Variants in RNF103 observed in about 807,000 individuals in gnomAD.
The protein encoded by RNF103 is ring finger protein 103.
Under a neutral mutation model 66.2 loss-of-function variants are expected in RNF103, and 23 were observed. That is an observed-to-expected ratio of 0.35 (90% CI 0.25 to 0.49). The LOEUF is 0.49. Ranked by LOEUF, RNF103 falls within the 20% of genes least tolerant of loss-of-function variation. The pLI, the probability that RNF103 is intolerant of heterozygous loss-of-function variation, is 0.98. For synonymous variants in RNF103, 297 were observed against 289.9 expected (o/e 1.02, Z -0.25); for missense variants, 730 against 814.7 (o/e 0.90, Z 1.27).
rs531433103 is a variant in RNF103, at chr2:86,612,266, T to C, written c.375A>G (p.Ala125=). 265 of 1,603,434 alleles carry C rather than the reference T, an allele frequency of 1.7e-4. 4 individuals are homozygous for C. The Middle Eastern group carries it at 2.7e-3, about 16-fold the overall frequency. The change falls in exon 3 of 4, where the codon GCA becomes GCG. Residue 125 remains alanine (A), a synonymous_variant. Transcript: ENST00000237455. ...TGCCCACCAAGGGACTTCTGTCATT[T>C]GCTATGACCTATTCCCAAAAATAGA... ...KDGIWLVQVI[A]NDRSPLVGKI...
At position 86,604,676 on chromosome 2, in the gene RNF103, C is replaced by G; in HGVS notation, c.1225G>C (p.Asp409His). 4 of 1,614,188 alleles carry G rather than the reference C, an allele frequency of 2.5e-6. No homozygotes were observed. Among genetic ancestry groups the G allele is most frequent in the Non-Finnish European group, 3.4e-6 (4 of 1,180,032 alleles). The change falls in exon 4 of 4, where the codon GAC becomes CAC. Residue 409 changes from aspartate (D) to histidine (H), a missense_variant. By Grantham distance (81) the Asp-to-His change is moderately conservative. Around this residue, in one of 3 missense-constraint regions of RNF103, gnomAD observed 355 missense variants for 351.9 expected, o/e 1.01. Coordinates refer to ENST00000237455, the MANE Select transcript of RNF103 (RefSeq NM_005667.4). ...GGGTGTGAAGAGTAAAACATCCAGT[C>G]TGCCCTTACCCATGAAGCCAGTGTG... The part of the protein sequence containing the change: ...TTTLASWVRA[D>H]WMFYSSHPAL...
rs779423897 is a variant in RNF103 at position 86,614,307 on chromosome 2, G to C, written c.367-2033C>G. On this transcript the variant is annotated intron_variant, in intron 2 of 3. Transcript: ENST00000237455. ...TCTCTGGTCCAAAAGTACTTTATAA[G>C]TTTTACCTAGAAGGCCAGGTACAGT... The C allele has an allele frequency of 1.3e-5, 2 of 152,132 alleles. 1 individual carries two copies. The highest frequency in any genetic ancestry group is 4.1e-4 in the South Asian group (2 of 4,824). The allele number at this position is 152,132 out of a possible 1,614,324, so 9.4% of individuals were successfully genotyped here.
chr2:86,615,269 T>C, intron 2 of RNF103: 1 of 984,426 alleles, frequency 1.0e-6, no homozygotes, highest in East Asian at 1.1e-4. Flanking sequence ...TACACAAAAA[T>C]GAAAAATCTT....
intron 2 of RNF103, among the ~76,000 whole-genome samples, chr2:86,619,603 T>C (rs1191876001): frequency 6.6e-6 from 1 of 152,226 alleles, no homozygotes; most frequent in Non-Finnish European, 1.5e-5. Context: ...TAAATAACTT[T>C]AGTCCTGTCC....
chr2:86,606,722 A>G (rs1024081022), intron 3 of RNF103, among the ~76,000 whole-genome samples: 12 of 151,664 alleles, frequency 7.9e-5, no homozygotes, highest in African/African-American at 2.7e-4. Context: ...GTATCCCAGT[A>G]AAGAGACTGT....
At chr2:86,615,546 TAC>T (rs1558687008) in intron 2 of RNF103, among the ~76,000 whole-genome samples, 3 of 148,764 alleles carry the variant, frequency 2.0e-5, no homozygotes, top group Non-Finnish European at 1.5e-5. Context: ...ATAATATATA[TAC>T]ACACACACAC....
intron 2 of RNF103, among the ~76,000 whole-genome samples, chr2:86,615,779 G>A (rs1573365407): frequency 6.6e-6 from 1 of 152,110 alleles, no homozygotes; most frequent in East Asian, 1.9e-4. Context: ...TGGCAATACA[G>A]GCTAGAAGTG....
At chr2:86,609,587 T>C (rs1001144784) in intron 3 of RNF103, among the ~76,000 whole-genome samples, 3 of 151,980 alleles carry the variant, frequency 2.0e-5, no homozygotes, top group African/African-American at 7.3e-5. Context: ...GGTTTCACCA[T>C]GTTGGCCAGG....
At chr2:86,616,879 C>T in intron 2 of RNF103, 1 of 985,440 alleles carries the variant, frequency 1.0e-6, no homozygotes, top group South Asian at 4.7e-5. Context: ...TTCTCCACTT[C>T]AGAAGCCTAT....
Position 86,606,662 on chromosome 2 carries a change from C to CA in RNF103, c.483-1245dup, listed in dbSNP as rs200897796. Among the ~76,000 whole-genome samples the CA allele has an allele frequency of 7.0e-3, 681 of 97,014 alleles. 10 individuals are homozygous for CA. Among genetic ancestry groups the CA allele is most frequent in the South Asian group, 0.026 (82 of 3,096 alleles). 63.6% of individuals were successfully genotyped at this position (97,014 alleles called of 152,430 possible). On this transcript the variant is annotated intron_variant, in intron 3 of 3. Coordinates refer to ENST00000237455, the MANE Select transcript of RNF103 (RefSeq NM_005667.4). ...TGGGCGACAGAGCAAAACTTCGTCT[C>CA]AAAAAAAAAAAAAAAAAAAAAAAAA... is the stretch of plus-strand genomic sequence containing the variant.
intron 2 of RNF103, chr2:86,618,797 A>G (rs1383185936): frequency 3.9e-5 from 6 of 152,250 alleles, no homozygotes; most frequent in Non-Finnish European, 7.3e-5. Context: ...ACTATTAGAA[A>G]TAAGTACCAG....
At chr2:86,617,569 G>T in intron 2 of RNF103, 1 of 795,140 alleles carries the variant, frequency 1.3e-6, no homozygotes, top group Non-Finnish European at 1.5e-6. Context: ...TACTATCCAC[G>T]GTTTCAGGCA....
In RNF103 at chr2:86,623,847, G is replaced by A; in HGVS notation, c.-961C>T. Reference sequence around the variant, plus strand: ...CAACCGTGTATCAGCGGCGGCCGCGGCCGGAGCCGAGACATAACAACTGAC... The same window carrying A: ...CAACCGTGTATCAGCGGCGGCCGCGACCGGAGCCGAGACATAACAACTGAC... On this transcript the variant is annotated 5_prime_UTR_variant, in exon 1 of 4. Transcript: ENST00000237455. 1 of 1,287,902 alleles carries A rather than the reference G, an allele frequency of 7.8e-7. No individual in the cohort carries two copies. The highest frequency in any genetic ancestry group is 1.0e-6 in the Non-Finnish European group (1 of 988,276). 79.8% of individuals were successfully genotyped at this position (1,287,902 alleles called of 1,614,324 possible).
chr2:86,618,386 G>C (rs74443614), intron 2 of RNF103: 18,182 of 159,394 alleles, frequency 0.11, 1,222 homozygotes, highest in Non-Finnish European at 0.16. Flanking sequence ...GTGTGTTTCT[G>C]GTATATCTTC....
At chr2:86,607,808 T>C (rs1227256922) in intron 3 of RNF103, among the ~76,000 whole-genome samples, 1 of 152,254 alleles carries the variant, frequency 6.6e-6, no homozygotes, top group Non-Finnish European at 1.5e-5. Flanking sequence ...CTTCCTACTA[T>C]GGCCTCTGAT....
In RNF103 at chr2:86,604,186, T is replaced by C; in HGVS notation, c.1715A>G (p.Asp572Gly). The C allele has an allele frequency of 1.9e-6, 3 of 1,613,952 alleles. No homozygotes were observed. Among genetic ancestry groups the C allele is most frequent in the Non-Finnish European group, 2.5e-6 (3 of 1,180,042 alleles). Reference sequence around the variant, plus strand: ...ATTGGCACATGAACAAGCCTCAGCATCACAGTGACTTGCTGTTCCTGGAGA... The same window carrying C: ...ATTGGCACATGAACAAGCCTCAGCACCACAGTGACTTGCTGTTCCTGGAGA... Reference protein sequence around the residue: ...HNSPGTASHCDAEACSCANKY... With the variant: ...HNSPGTASHCGAEACSCANKY... Residue 572 changes from aspartate (D) to glycine (G), a missense_variant, in exon 4 of 4, where the codon GAT becomes GGT. Asp to Gly is a moderately conservative substitution (Grantham distance 94). This residue lies in a region of RNF103 where 355 missense variants were observed against 351.9 expected (regional missense o/e 1.01). Transcript: ENST00000237455.
At chr2:86,614,764 T>A in intron 2 of RNF103, 1 of 974,210 alleles carries the variant, frequency 1.0e-6, no homozygotes, top group Non-Finnish European at 1.2e-6. Context: ...CAAGTTTAAC[T>A]TATTTTTCAG....
intron 2 of RNF103, chr2:86,617,033 G>C (rs1679049045): frequency 1.0e-6 from 1 of 985,196 alleles, no homozygotes; most frequent in South Asian, 4.7e-5. Flanking sequence ...CTTGGGTTAG[G>C]GACAAAGGAG....
intron 2 of RNF103, among the ~76,000 whole-genome samples, chr2:86,619,415 A>G (rs555729027): frequency 2.8e-4 from 43 of 152,316 alleles, no homozygotes; most frequent in African/African-American, 1.0e-3. Context: ...TCCTGGTTCA[A>G]TACTACCAAC....
Sources: allele counts gnomAD v4.1 joint callset (sites outside exome capture counted in the v4.1 genomes callset), GRCh38; gene constraint gnomAD v4.1.1; regional missense constraint gnomAD v4.1.1; transcripts MANE v1.5; gene names NCBI Gene and HGNC (gene_info 2026-07-23, HGNC 2026-07-21).